GDAP1: variants seen among roughly 807,000 people sequenced by gnomAD.
GDAP1 encodes ganglioside induced differentiation associated protein 1.
GDAP1 carries 34 observed loss-of-function variants against 40.1 expected under a neutral mutation model. The observed-to-expected ratio is 0.85, with a 90% CI of 0.64 to 1.13. The LOEUF is 1.13. Ranked by LOEUF, GDAP1 falls within the 50% of genes most tolerant of loss-of-function variation. The pLI is 0.00. For missense variants in GDAP1, 374 were observed against 433.7 expected, an observed-to-expected ratio of 0.86 and a Z score of 1.22; for synonymous variants, 170 against 157.4, an observed-to-expected ratio of 1.08 and a Z score of -0.60.
In GDAP1 at chr8:74,366,092, T is replaced by C. The variant is rs1408765801; in HGVS notation, c.*1725T>C. On this transcript the variant is annotated 3_prime_UTR_variant, in exon 6 of 6. Transcript: ENST00000220822. Reference sequence around the variant, plus strand: ...ATGAAAAAGTTGTTAAGAATAAAAATTAGAAGTCCATGGTTAACTTTTCCT... The same window carrying C: ...ATGAAAAAGTTGTTAAGAATAAAAACTAGAAGTCCATGGTTAACTTTTCCT... The C allele has an allele frequency of 4.5e-6, 2 of 439,626 alleles. No individual in the cohort carries two copies. Among genetic ancestry groups the C allele is most frequent in the Non-Finnish European group, 4.5e-6 (1 of 222,738 alleles). The allele number at this position is 439,626 out of a possible 1,614,324, so 27.2% of individuals were successfully genotyped here.
At chr8:74,419,032 A>G (rs1266344024) in intron 2 of GDAP1, among the ~76,000 whole-genome samples, 2 of 152,218 alleles carry the variant, frequency 1.3e-5, no homozygotes. Flanking sequence ...TGGCAATACC[A>G]AGTGCGGGAG....
chr8:74,480,134 G>A lies in GDAP1; in HGVS notation c.166-8544G>A, dbSNP rs920636244. 6.6e-5 allele frequency among the ~76,000 whole-genome samples: 10 copies of A among 151,826 alleles called. No homozygotes were observed. The East Asian group carries it at 7.8e-4, about 12-fold the overall frequency. On this transcript the variant is annotated intron_variant, in intron 2 of 2. Transcript: ENST00000523640. ...CTCCCGAGTAGCTGGGATTATAGGC[G>A]CATGCCACCACACCCAGCTAATTTT...
At chr8:74,418,026 A>G (rs2131557325) in intron 2 of GDAP1, among the ~76,000 whole-genome samples, 1 of 152,362 alleles carries the variant, frequency 6.6e-6, no homozygotes, top group Non-Finnish European at 1.5e-5. Flanking sequence ...TGCTGATGAA[A>G]GAAATCTAAG....
At chr8:74,352,328 T>C (rs1808913608) in intron 2 of GDAP1, among the ~76,000 whole-genome samples, 1 of 152,242 alleles carries the variant, frequency 6.6e-6, no homozygotes, top group South Asian at 2.1e-4. Context: ...CAGAACATGG[T>C]GCTCAGAGCT....
chr8:74,462,915 T>G (rs1806418358), intron 2 of GDAP1, among the ~76,000 whole-genome samples: 1 of 151,256 alleles, frequency 6.6e-6, no homozygotes, highest in Admixed American at 6.6e-5. Context: ...TGATGAATTG[T>G]TTCATTCAGA....
intron 2 of GDAP1, among the ~76,000 whole-genome samples, chr8:74,485,342 C>A (rs1806763412): frequency 6.6e-6 from 1 of 152,102 alleles, no homozygotes; most frequent in African/African-American, 2.4e-5. Context: ...GTGACAGATA[C>A]AAATGAAATA....
intron 2 of GDAP1, among the ~76,000 whole-genome samples, chr8:74,431,544 G>C (rs575045880): frequency 6.6e-6 from 1 of 151,948 alleles, no homozygotes; most frequent in Non-Finnish European, 1.5e-5. Context: ...CACAGTGGCT[G>C]GATCTCCGCT....
chr8:74,466,701 G>T (rs1158328993), intron 2 of GDAP1, among the ~76,000 whole-genome samples: 1 of 152,190 alleles, frequency 6.6e-6, no homozygotes, highest in African/African-American at 2.4e-5. Flanking sequence ...AAATTTGAAG[G>T]CGCTGATTAG....
chr8:74,404,346 A>G (rs1039048810), intron 2 of GDAP1, among the ~76,000 whole-genome samples: 3 of 149,646 alleles, frequency 2.0e-5, no homozygotes, highest in Non-Finnish European at 4.4e-5. Flanking sequence ...GTATTTAGTA[A>G]TATCATTAAT....
chr8:74,440,721 C>T (rs1035147914), intron 2 of GDAP1, among the ~76,000 whole-genome samples: 10 of 151,782 alleles, frequency 6.6e-5, no homozygotes, highest in Non-Finnish European at 1.2e-4. Context: ...CAAAATTCAA[C>T]ACTAAACTTT....
chr8:74,407,222 A>G (rs1406759692), intron 2 of GDAP1, among the ~76,000 whole-genome samples: 1 of 149,920 alleles, frequency 6.7e-6, no homozygotes, highest in Non-Finnish European at 1.5e-5. Context: ...TCTTGAGACC[A>G]GGAGTTCGAG....
chr8:74,418,938 A>G (rs1449340816), intron 2 of GDAP1, among the ~76,000 whole-genome samples: 2 of 152,250 alleles, frequency 1.3e-5, no homozygotes, highest in Non-Finnish European at 2.9e-5. Flanking sequence ...GTTATTTAGC[A>G]TCATTAATTG....
chr8:74,414,443 C>A (rs1805754236), intron 2 of GDAP1, among the ~76,000 whole-genome samples: 1 of 149,694 alleles, frequency 6.7e-6, no homozygotes, highest in African/African-American at 2.6e-5. Context: ...TGAACTAATA[C>A]AAGAGATGAA....
At chr8:74,412,499 GA>G (rs760335046) in intron 2 of GDAP1, among the ~76,000 whole-genome samples, 1 of 149,930 alleles carries the variant, frequency 6.7e-6, no homozygotes, top group African/African-American at 2.5e-5. Flanking sequence ...AGCATCAAAA[GA>G]AAAAATCATG....
intron 2 of GDAP1, among the ~76,000 whole-genome samples, chr8:74,402,147 G>T (rs866033893): frequency 1.3e-5 from 2 of 150,498 alleles, no homozygotes; most frequent in Middle Eastern, 3.4e-3. Context: ...TCTGTGCCCT[G>T]CCCCCAGAGG....
chr8:74,431,875 C>T (rs751157759), intron 2 of GDAP1, among the ~76,000 whole-genome samples: 13 of 152,190 alleles, frequency 8.5e-5, no homozygotes, highest in South Asian at 2.1e-4. Context: ...TTAGTAAATA[C>T]GTGATTGTGG....
chr8:74,477,233 T>C (rs893433214), intron 2 of GDAP1, among the ~76,000 whole-genome samples: 2 of 152,240 alleles, frequency 1.3e-5, no homozygotes, highest in African/African-American at 4.8e-5. Flanking sequence ...TTCAACGTTT[T>C]CTTGAACCTC....
chr8:74,370,081 C>T (rs1048075284), downstream of GDAP1, among the ~76,000 whole-genome samples: 36 of 152,100 alleles, frequency 2.4e-4, 1 homozygote, highest in Non-Finnish European at 2.9e-5. Context: ...TGCTAAAGGC[C>T]ATTTTCAGAC....
intron 2 of GDAP1, among the ~76,000 whole-genome samples, chr8:74,470,103 G>C (rs1352267427): frequency 6.6e-6 from 1 of 151,242 alleles, no homozygotes; most frequent in Non-Finnish European, 1.5e-5. Context: ...CTCTGTTTAG[G>C]TTTTTTTTTC....
Sources: allele counts gnomAD v4.1 joint callset (sites outside exome capture counted in the v4.1 genomes callset), GRCh38; gene constraint gnomAD v4.1.1; transcripts MANE v1.5; gene names NCBI Gene and HGNC (gene_info 2026-07-23, HGNC 2026-07-21).